Variants in SLC4A4 observed in about 807,000 individuals in gnomAD.
SLC4A4 encodes the protein solute carrier family 4 member 4, also known as electrogenic sodium bicarbonate cotransporter 1.
A neutral mutation model predicts 111.5 loss-of-function variants in SLC4A4; 27 were observed. The ratio of observed to expected loss-of-function variants is 0.24; its 90% confidence interval spans 0.18 to 0.33. SLC4A4 has a LOEUF of 0.33. SLC4A4 is among the 10% of genes least tolerant of loss of function. The probability of loss-of-function intolerance (pLI) is 1.00; values close to 1 mark genes in which losing one functional copy is unlikely to be tolerated. For missense variants in SLC4A4, 909 were observed against 1,315.5 expected, an observed-to-expected ratio of 0.69 and a Z score of 4.78; for synonymous variants, 443 against 463.4, an observed-to-expected ratio of 0.96 and a Z score of 0.57.
chr4:71,293,427 G>T (rs1175298949), intron 3 of SLC4A4, among the ~76,000 whole-genome samples: 1 of 151,706 alleles, frequency 6.6e-6, no homozygotes, highest in East Asian at 2.0e-4. Context: ...GCTGGGTGTG[G>T]TGATGCACAC....
At position 71,541,260 on chromosome 4, in the gene SLC4A4, C is replaced by T. The variant is rs778511665; in HGVS notation, c.2443-5090C>T. Among the ~76,000 whole-genome samples, 3 of 151,956 alleles carry T rather than the reference C, an allele frequency of 2.0e-5. No homozygotes were observed. The South Asian group carries it at 6.2e-4, about 32-fold the overall frequency. On this transcript the variant is annotated intron_variant, in intron 18 of 25. Coordinates refer to ENST00000264485, the MANE Select transcript of SLC4A4 (RefSeq NM_001098484.3). ...ACAGGGAAGTGGCATATAATGATTT[C>T]GATTTTTAAAAAAGATTCATTCGTG...
At chr4:71,456,151 A>AT (rs986832098) in intron 12 of SLC4A4, among the ~76,000 whole-genome samples, 2 of 152,272 alleles carry the variant, frequency 1.3e-5, no homozygotes, top group South Asian at 2.1e-4. Flanking sequence ...TTATTAATAG[A>AT]TTTTTTAACC....
intron 7 of SLC4A4, chr4:71,437,016 A>T (rs1724221005): frequency 2.7e-6 from 1 of 369,728 alleles, no homozygotes; most frequent in African/African-American, 2.2e-5. Flanking sequence ...AATCAGCTAC[A>T]GATAGGCCAA....
intron 2 of SLC4A4, among the ~76,000 whole-genome samples, chr4:71,138,853 G>A (rs1398488889): frequency 1.3e-5 from 2 of 151,944 alleles, no homozygotes; most frequent in African/African-American, 4.8e-5. Flanking sequence ...TGCCTAACAC[G>A]GTGAAACCCT....
chr4:71,177,563 A>T (rs971462944), intron 2 of SLC4A4, among the ~76,000 whole-genome samples: 2 of 152,214 alleles, frequency 1.3e-5, no homozygotes, highest in Non-Finnish European at 2.9e-5. Flanking sequence ...AAACCAACAG[A>T]GATCAAAAGA....
chr4:71,445,924 G>A (rs1182598956), intron 8 of SLC4A4, among the ~76,000 whole-genome samples: 1 of 152,172 alleles, frequency 6.6e-6, no homozygotes, highest in African/African-American at 2.4e-5. Flanking sequence ...GAACTTCAGT[G>A]TTAAAAGAGC....
At chr4:71,182,714 T>TCA (rs77414889), upstream of SLC4A4, among the ~76,000 whole-genome samples, 3,048 of 146,410 alleles carry the variant, frequency 0.021, 42 homozygotes, top group East Asian at 0.064. Context: ...TATGTACATT[T>TCA]CACACACACA....
chr4:71,343,489 A>ACT (rs1459482232), intron 4 of SLC4A4, among the ~76,000 whole-genome samples: 12 of 152,066 alleles, frequency 7.9e-5, no homozygotes, highest in Non-Finnish European at 1.6e-4. Flanking sequence ...CTTCAGATCT[A>ACT]CTCTTCCTAA....
At chr4:71,278,178 A>T (rs539607487) in intron 3 of SLC4A4, among the ~76,000 whole-genome samples, 3 of 152,194 alleles carry the variant, frequency 2.0e-5, no homozygotes, top group African/African-American at 7.2e-5. Context: ...AATTACACAT[A>T]AAAGTGAGTT....
intron 6 of SLC4A4, among the ~76,000 whole-genome samples, chr4:71,357,407 A>T (rs769183895): frequency 2.0e-5 from 3 of 152,202 alleles, no homozygotes; most frequent in Non-Finnish European, 4.4e-5. Flanking sequence ...TGCCACGGTG[A>T]CTTGCTTACT....
At chr4:71,225,157 G>A (rs1019721965) in intron 1 of SLC4A4, among the ~76,000 whole-genome samples, 4 of 152,132 alleles carry the variant, frequency 2.6e-5, no homozygotes, top group Admixed American at 1.3e-4. Context: ...TTGGAGACCA[G>A]CCTGGCCAAC....
In SLC4A4 at chr4:71,530,703, G is replaced by A. The variant is rs772626130; in HGVS notation, c.2167-1359G>A. On this transcript the variant is annotated intron_variant, in intron 16 of 25. Transcript: ENST00000264485. The stretch of plus-strand genomic sequence containing the variant: ...AGTTAGTATCAGGCTCCTGACACCT[G>A]GTAAAGGTCAAGCATTGAACACTAG... 6.0e-4 allele frequency among the ~76,000 whole-genome samples: 91 copies of A among 152,008 alleles called. 1 individual carries two copies. The highest frequency in any genetic ancestry group is 2.1e-3 in the African/African-American group (88 of 41,386).
intron 7 of SLC4A4, chr4:71,437,276 G>A: frequency 2.7e-6 from 1 of 366,368 alleles, no homozygotes; most frequent in Non-Finnish European, 5.3e-6. Context: ...AAACGGAAAT[G>A]GGGAGTGTCC....
chr4:71,501,657 T>C (rs1246179445), intron 16 of SLC4A4, among the ~76,000 whole-genome samples: 1 of 151,012 alleles, frequency 6.6e-6, no homozygotes. Flanking sequence ...TTAGTTAATA[T>C]TTTTTGTTTG....
At chr4:71,407,987 T>G (rs967963055) in intron 7 of SLC4A4, among the ~76,000 whole-genome samples, 1 of 152,188 alleles carries the variant, frequency 6.6e-6, no homozygotes, top group African/African-American at 2.4e-5. Flanking sequence ...TCTAGTTCAT[T>G]TAGTCTGATA....
chr4:71,271,990 A>C (rs934533764), intron 3 of SLC4A4, among the ~76,000 whole-genome samples: 1 of 152,226 alleles, frequency 6.6e-6, no homozygotes, highest in Non-Finnish European at 1.5e-5. Context: ...GTAGCTAGTA[A>C]GGAGTAAGCC....
chr4:71,207,152 G>A (rs751896375), intron 1 of SLC4A4, among the ~76,000 whole-genome samples: 41 of 152,176 alleles, frequency 2.7e-4, no homozygotes, highest in Non-Finnish European at 5.6e-4. Context: ...AGTGATGCCT[G>A]CTCATAAGAT....
At chr4:71,549,934 A>C (rs574602938) in intron 20 of SLC4A4, among the ~76,000 whole-genome samples, 57 of 152,018 alleles carry the variant, frequency 3.7e-4, no homozygotes, top group Non-Finnish European at 6.6e-4. Context: ...GATTAGAATG[A>C]GAGAAAGAAG....
chr4:71,088,919 T>C (rs886733533), intron 1 of SLC4A4, among the ~76,000 whole-genome samples: 6 of 152,012 alleles, frequency 3.9e-5, no homozygotes, highest in South Asian at 2.1e-4. Context: ...CTTTGTGGCA[T>C]TCTTTGTATT....
Sources: allele counts gnomAD v4.1 joint callset (sites outside exome capture counted in the v4.1 genomes callset), GRCh38; gene constraint gnomAD v4.1.1; transcripts MANE v1.5; gene names NCBI Gene and HGNC (gene_info 2026-07-23, HGNC 2026-07-21).